Variants in PRKCE observed in about 807,000 individuals in gnomAD.
PRKCE encodes protein kinase C epsilon type.
PRKCE carries 16 observed loss-of-function variants against 85.4 expected under a neutral mutation model. That is an observed-to-expected ratio of 0.19 (90% CI 0.13 to 0.28). The LOEUF is 0.28. PRKCE is among the 10% of genes least tolerant of loss of function. The pLI is 1.00. For synonymous variants in PRKCE, 388 were observed against 371.5 expected (o/e 1.04, Z -0.51); for missense variants, 573 against 975.2 (o/e 0.59, Z 5.49).
At chr2:46,088,069 C>T (rs1372293077) in intron 11 of PRKCE, among the ~76,000 whole-genome samples, 1 of 152,106 alleles carries the variant, frequency 6.6e-6, no homozygotes, top group Admixed American at 6.5e-5. Context: ...TCACATAACC[C>T]CAGTAGTGAT....
intron 2 of PRKCE, among the ~76,000 whole-genome samples, chr2:45,854,163 A>G (rs4952784): frequency 0.14 from 20,583 of 152,242 alleles, 1,637 homozygotes; most frequent in Middle Eastern, 0.26. Flanking sequence ...ACTGGTCCAG[A>G]ACTGAGACCT....
rs147935434 is a variant in PRKCE at position 45,860,559 on chromosome 2, A to G, written c.412+17496A>G. Reference sequence around the variant, plus strand: ...GTTTACTGCTTTTTCAAACCCTGTTAGCTTTTGCTTTGTTACTATAGGAAC... The same window carrying G: ...GTTTACTGCTTTTTCAAACCCTGTTGGCTTTTGCTTTGTTACTATAGGAAC... On this transcript the variant is annotated intron_variant, in intron 2 of 14. Coordinates refer to ENST00000306156, the MANE Select transcript of PRKCE (RefSeq NM_005400.3). Among the ~76,000 whole-genome samples, 791 of 152,272 alleles carry G rather than the reference A, an allele frequency of 5.2e-3. 9 individuals are homozygous for G. Among genetic ancestry groups the G allele is most frequent in the African/African-American group, 0.018 (754 of 41,546 alleles).
At chr2:45,655,899 G>C (rs1341865093) in intron 1 of PRKCE, among the ~76,000 whole-genome samples, 1 of 150,920 alleles carries the variant, frequency 6.6e-6, no homozygotes, top group African/African-American at 2.4e-5. Flanking sequence ...GAATCCAGGA[G>C]GGTTTTTGGA....
chr2:46,039,710 T>C (rs962535026), intron 10 of PRKCE, among the ~76,000 whole-genome samples: 1 of 152,212 alleles, frequency 6.6e-6, no homozygotes, highest in Non-Finnish European at 1.5e-5. Context: ...GTTTTTCCTG[T>C]TGTTTATTCC....
chr2:45,721,714 A>G (rs1315327054), intron 1 of PRKCE, among the ~76,000 whole-genome samples: 3 of 152,152 alleles, frequency 2.0e-5, no homozygotes, highest in South Asian at 2.1e-4. Context: ...CATCTCCACA[A>G]AAAAATTAAA....
At position 45,786,971 on chromosome 2, in the gene PRKCE, G is replaced by C. The variant is rs1686647458; in HGVS notation, c.349-56029G>C. 6.6e-6 allele frequency among the ~76,000 whole-genome samples: 1 copy of C among 152,228 alleles called. No individual in the cohort carries two copies. The highest frequency in any genetic ancestry group is 2.1e-4 in the South Asian group (1 of 4,832). On this transcript the variant is annotated intron_variant, in intron 1 of 14. Transcript: ENST00000306156. The surrounding 1 kb of genome is among the most constrained non-coding windows in gnomAD (Gnocchi z 5.3). ...AAACTCGCCTGGTGAGTCACTTGAGGCTTTGGTTCAAGTCGGGATTTCCCA... is the reference window on the plus strand; with the variant it reads ...AAACTCGCCTGGTGAGTCACTTGAGCCTTTGGTTCAAGTCGGGATTTCCCA...
intron 1 of PRKCE, among the ~76,000 whole-genome samples, chr2:45,766,324 C>T (rs1455657982): frequency 1.3e-5 from 2 of 152,184 alleles, no homozygotes; most frequent in Non-Finnish European, 2.9e-5. Context: ...TCCTGGGTGC[C>T]GTGCAGACCT....
chr2:45,952,034 T>C (rs1483949714), intron 2 of PRKCE, among the ~76,000 whole-genome samples: 1 of 152,226 alleles, frequency 6.6e-6, no homozygotes, highest in Non-Finnish European at 1.5e-5. Flanking sequence ...AGTTTCATCA[T>C]GTTGGCCAGG....
At chr2:45,750,977 G>A (rs1363214228) in intron 1 of PRKCE, among the ~76,000 whole-genome samples, 1 of 152,124 alleles carries the variant, frequency 6.6e-6, no homozygotes, top group Non-Finnish European at 1.5e-5. Context: ...CTAGCTTTGT[G>A]TTTAAGGCCC....
Position 45,712,460 on chromosome 2 carries a change from C to T in PRKCE, c.348+60012C>T, listed in dbSNP as rs536152050. 4.6e-5 allele frequency among the ~76,000 whole-genome samples: 7 copies of T among 152,092 alleles called. No homozygotes were observed. In the East Asian group the frequency reaches 1.3e-3, roughly 29 times the overall value. ...CATGAGTCACTGCGCCCGGCCTGTC[C>T]TGTCTTTTTGACACCCAAATCTGAT... On this transcript the variant is annotated intron_variant, in intron 1 of 14. Coordinates refer to ENST00000306156, the MANE Select transcript of PRKCE (RefSeq NM_005400.3).
chr2:45,691,174 G>A (rs1303824741), intron 1 of PRKCE, among the ~76,000 whole-genome samples: 1 of 152,174 alleles, frequency 6.6e-6, no homozygotes, highest in East Asian at 1.9e-4. Flanking sequence ...GTCCGTCAGT[G>A]GGCTGGGCGG....
intron 3 of PRKCE, among the ~76,000 whole-genome samples, 161 bp downstream of exon 3, chr2:45,976,749 T>C (rs1171080380): frequency 1.3e-5 from 2 of 152,178 alleles, no homozygotes; most frequent in East Asian, 1.9e-4. Context: ...AGTGTGTGTT[T>C]GGTACATAGG....
rs1705877158 is a variant in PRKCE at position 46,013,674 on chromosome 2, A to G, written c.1437+3157A>G. On this transcript the variant is annotated intron_variant, in intron 10 of 14. Coordinates refer to ENST00000306156, the MANE Select transcript of PRKCE (RefSeq NM_005400.3). ...TCAGGAACACAAAGACCCGATTGCA[A>G]TCCTATTAAGATTTCTTTCATGCTT... 2.0e-5 allele frequency among the ~76,000 whole-genome samples: 3 copies of G among 152,198 alleles called. No homozygotes were observed. In the South Asian group the frequency reaches 6.2e-4, roughly 31 times the overall value.
At chr2:45,872,523 A>T (rs1477063384) in intron 2 of PRKCE, among the ~76,000 whole-genome samples, 2 of 152,198 alleles carry the variant, frequency 1.3e-5, no homozygotes, top group African/African-American at 4.8e-5. Flanking sequence ...ATGGGCAGCA[A>T]GGCAGAACCA....
At chr2:45,785,611 G>A (rs1686540489) in intron 1 of PRKCE, among the ~76,000 whole-genome samples, 1 of 152,214 alleles carries the variant, frequency 6.6e-6, no homozygotes, top group Non-Finnish European at 1.5e-5. Context: ...TACTTCAGGT[G>A]TCCCTGTGGG....
chr2:46,135,457 T>G (rs905385215), intron 11 of PRKCE, among the ~76,000 whole-genome samples: 11 of 152,218 alleles, frequency 7.2e-5, no homozygotes, highest in Non-Finnish European at 1.3e-4. Context: ...TTTCCTCATC[T>G]AGCAGGTAGG....
chr2:46,161,698 T>G (rs948846142), intron 14 of PRKCE, among the ~76,000 whole-genome samples: 2 of 151,460 alleles, frequency 1.3e-5, no homozygotes, highest in Admixed American at 6.6e-5. Flanking sequence ...GGCCACGAGG[T>G]GGGAAGGAAG....
chr2:46,089,389 C>T lies in PRKCE; in HGVS notation c.1592+3027C>T, dbSNP rs556225044. Among the ~76,000 whole-genome samples the T allele has an allele frequency of 2.0e-3, 303 of 152,310 alleles. 1 individual carries two copies. The highest frequency in any genetic ancestry group is 7.1e-3 in the African/African-American group (297 of 41,558). On this transcript the variant is annotated intron_variant, in intron 11 of 14. Coordinates refer to ENST00000306156, the MANE Select transcript of PRKCE (RefSeq NM_005400.3). The stretch of plus-strand genomic sequence containing the variant: ...GACCTTCCCAGCCTTCTCCCTTCTT[C>T]CCTGGCTAGTTTGCAGTAGTTACTG...
chr2:46,080,972 T>TAC (rs112421012), intron 10 of PRKCE, among the ~76,000 whole-genome samples: 1,576 of 147,668 alleles, frequency 0.011, 15 homozygotes, highest in South Asian at 0.039. Context: ...CAGTTATGCA[T>TAC]ACACACACAC....
Sources: gnomAD v4.1 joint callset for allele counts (sites outside exome capture counted in the v4.1 genomes callset) on GRCh38, gnomAD v4.1.1 for gene constraint, Gnocchi (gnomAD v3.1) non-coding constraint, MANE v1.5 for transcripts, NCBI Gene and HGNC (gene_info 2026-07-23, HGNC 2026-07-21) for gene names.